Variants in OCA2 observed in about 807,000 individuals in gnomAD.
OCA2 encodes P protein.
A neutral mutation model predicts 100.2 loss-of-function variants in OCA2; 77 were observed. The ratio of observed to expected loss-of-function variants is 0.77; its 90% CI spans 0.64 to 0.93. The LOEUF is 0.93. OCA2 is among the 40% of genes least tolerant of loss of function. OCA2 has a pLI of 0.00. For synonymous variants in OCA2, 432 were observed against 439.2 expected (o/e 0.98, Z 0.21); for missense variants, 1,062 against 1,089.1 (o/e 0.98, Z 0.35).
chr15:27,747,185 G>A, the OCA2 span, among the ~76,000 whole-genome samples: 46 of 152,262 alleles, frequency 3.0e-4, 1 homozygote, highest in South Asian at 9.1e-3. Flanking sequence ...CTCCACCCCA[G>A]CCTCATGCCA....
At chr15:27,878,778 A>C (rs2036891517) in intron 19 of OCA2, among the ~76,000 whole-genome samples, 1 of 152,156 alleles carries the variant, frequency 6.6e-6, no homozygotes, top group South Asian at 2.1e-4. Flanking sequence ...TTACCTCTTC[A>C]AATATCTTTT....
intron 14 of OCA2, among the ~76,000 whole-genome samples, chr15:27,970,945 A>G (rs1262460365): frequency 6.6e-6 from 1 of 151,512 alleles, no homozygotes; most frequent in African/African-American, 2.4e-5. Flanking sequence ...ACAGTACGGC[A>G]GGGAAAGCCT....
the OCA2 span, among the ~76,000 whole-genome samples, chr15:27,737,725 G>T: frequency 6.6e-6 from 1 of 152,192 alleles, no homozygotes; most frequent in South Asian, 2.1e-4. Flanking sequence ...CTAATCATAA[G>T]AAGAAAGATT....
At chr15:27,978,335 T>A (rs1215744745) in intron 14 of OCA2, among the ~76,000 whole-genome samples, 1 of 152,224 alleles carries the variant, frequency 6.6e-6, no homozygotes, top group Non-Finnish European at 1.5e-5. Flanking sequence ...TGAAGTTTTC[T>A]ATATCCTTGT....
intron 23 of OCA2, among the ~76,000 whole-genome samples, chr15:27,791,828 AT>A (rs1282133320): frequency 1.3e-5 from 2 of 152,150 alleles, no homozygotes; most frequent in African/African-American, 4.8e-5. Flanking sequence ...AAAGTTAAAG[AT>A]TCTTTTAGAC....
chr15:28,028,186 A>T, intron 3 of OCA2, 127 bp from the exon 4 acceptor site: 2 of 1,041,196 alleles, frequency 1.9e-6, no homozygotes, highest in Non-Finnish European at 2.9e-6. Flanking sequence ...GACCACAGAC[A>T]GTGGTGCACT....
chr15:27,816,530 C>T (rs4778183), intron 23 of OCA2, among the ~76,000 whole-genome samples: 78,607 of 151,916 alleles, frequency 0.52, 20,832 homozygotes, highest in South Asian at 0.76. Context: ...CCCAGCTCCC[C>T]GACAGTGAAG....
chr15:27,769,365 C>A (rs1249326185), intron 23 of OCA2, among the ~76,000 whole-genome samples: 1 of 152,190 alleles, frequency 6.6e-6, no homozygotes, highest in Non-Finnish European at 1.5e-5. Context: ...TCTAAGGAAC[C>A]AAGGCTTCCG....
intron 2 of OCA2, among the ~76,000 whole-genome samples, chr15:28,053,932 CT>C (rs11334236): frequency 0.092 from 13,969 of 152,172 alleles, 802 homozygotes; most frequent in African/African-American, 0.16. Context: ...ATCCCCCACC[CT>C]GGCTCACCCC....
At chr15:28,047,460 C>T (rs1271476712) in intron 2 of OCA2, among the ~76,000 whole-genome samples, 1 of 152,118 alleles carries the variant, frequency 6.6e-6, no homozygotes, top group Non-Finnish European at 1.5e-5. Flanking sequence ...ACAGACAGAC[C>T]TCATGTCATA....
intron 9 of OCA2, among the ~76,000 whole-genome samples, chr15:28,000,970 G>T (rs1054898801): frequency 1.3e-5 from 2 of 152,172 alleles, no homozygotes; most frequent in Admixed American, 1.3e-4. Context: ...CAAATGTTGG[G>T]TAGGATGTGA....
At chr15:28,096,082 G>A (rs1265419154) in intron 1 of OCA2, among the ~76,000 whole-genome samples, 2 of 151,132 alleles carry the variant, frequency 1.3e-5, no homozygotes, top group African/African-American at 4.9e-5. Context: ...GCCTGGCTGC[G>A]TCTGCAAAGG....
At chr15:27,862,428 G>GC (rs748942054) in intron 21 of OCA2, among the ~76,000 whole-genome samples, 15 of 152,000 alleles carry the variant, frequency 9.9e-5, no homozygotes, top group Non-Finnish European at 1.6e-4. Flanking sequence ...GGGACATGCT[G>GC]CCTGCCCAGC....
chr15:27,758,232 GA>G (rs1255075514), intron 23 of OCA2, among the ~76,000 whole-genome samples: 1 of 152,038 alleles, frequency 6.6e-6, no homozygotes, highest in Non-Finnish European at 1.5e-5. Context: ...GTACTAGAAA[GA>G]AAACAAAAAG....
chr15:28,007,286 A>G (rs1011503799), intron 9 of OCA2, among the ~76,000 whole-genome samples: 1 of 152,246 alleles, frequency 6.6e-6, no homozygotes, highest in Non-Finnish European at 1.5e-5. Context: ...TTAATTTTAT[A>G]CAGTATAAGG....
chr15:28,094,086 T>A (rs1794767368), intron 1 of OCA2, among the ~76,000 whole-genome samples: 1 of 152,158 alleles, frequency 6.6e-6, no homozygotes, highest in Admixed American at 6.5e-5. Context: ...TCGCCTCTCA[T>A]GCAGATGATG....
intron 2 of OCA2, among the ~76,000 whole-genome samples, chr15:28,080,406 T>C (rs1019347011): frequency 6.6e-6 from 1 of 152,212 alleles, no homozygotes; most frequent in Non-Finnish European, 1.5e-5. Flanking sequence ...TGGTAGCATA[T>C]TCACATAATG....
chr15:28,009,472 G>A (rs1308817178), intron 9 of OCA2, among the ~76,000 whole-genome samples: 1 of 152,140 alleles, frequency 6.6e-6, no homozygotes. Flanking sequence ...CAGATCACTT[G>A]AGGCCAGGAG....
intron 9 of OCA2, among the ~76,000 whole-genome samples, chr15:28,003,135 G>A (rs1484165851): frequency 6.6e-6 from 1 of 152,236 alleles, no homozygotes; most frequent in Non-Finnish European, 1.5e-5. Flanking sequence ...TGCCTGGCCT[G>A]CAAGGAGAGC....
Sources: gnomAD v4.1 joint callset for allele counts (sites outside exome capture counted in the v4.1 genomes callset) on GRCh38, gnomAD v4.1.1 for gene constraint, MANE v1.5 for transcripts, NCBI Gene and HGNC (gene_info 2026-07-23, HGNC 2026-07-21) for gene names.